PPP2R2D: variants seen among roughly 807,000 people sequenced by gnomAD.
The protein encoded by PPP2R2D is serine/threonine-protein phosphatase 2A 55 kDa regulatory subunit B delta isoform.
A neutral mutation model predicts 31.1 loss-of-function variants in PPP2R2D; 9 were observed. The ratio of observed to expected loss-of-function variants is 0.29; its 90% CI spans 0.17 to 0.51. The LOEUF (loss-of-function observed/expected upper bound fraction) is 0.51. Among genes scored for constraint, PPP2R2D ranks in the 20% least tolerant of loss-of-function variants. The pLI is 0.98. For missense variants in PPP2R2D, 391 were observed against 465.6 expected (o/e 0.84, Z 1.48); for synonymous variants, 179 against 172.6 (o/e 1.04, Z -0.29).
chr10:131,931,281 C>G (rs1038258952), intron 2 of PPP2R2D, among the ~76,000 whole-genome samples: 7 of 152,224 alleles, frequency 4.6e-5, no homozygotes, highest in Non-Finnish European at 1.5e-5. Context: ...TAGTAGTCAG[C>G]AGATCTCCAG....
chr10:131,918,526 G>C (rs1195754995), intron 2 of PPP2R2D, among the ~76,000 whole-genome samples: 1 of 148,972 alleles, frequency 6.7e-6, no homozygotes, highest in African/African-American at 2.5e-5. Flanking sequence ...ACCTCAGGCC[G>C]GTGGAATGAC....
chr10:131,926,869 G>C (rs7074604), intron 2 of PPP2R2D, among the ~76,000 whole-genome samples: 42,533 of 152,154 alleles, frequency 0.28, 6,064 homozygotes, highest in East Asian at 0.45. Context: ...GTGATTGGGT[G>C]GGTAATGGTA....
intron 2 of PPP2R2D, among the ~76,000 whole-genome samples, chr10:131,919,664 A>G (rs2035924949): frequency 7.9e-6 from 1 of 126,256 alleles, no homozygotes; most frequent in Non-Finnish European, 1.7e-5. Flanking sequence ...GACACAGTGT[A>G]GGGACCTCAC....
chr10:131,929,183 C>T (rs1554895338), intron 2 of PPP2R2D, among the ~76,000 whole-genome samples: 3 of 152,170 alleles, frequency 2.0e-5, no homozygotes, highest in East Asian at 1.9e-4. Flanking sequence ...CTGTGCTTCC[C>T]GCAGAGTGGC....
chr10:131,909,566 C>T (rs1259432807), intron 2 of PPP2R2D, among the ~76,000 whole-genome samples: 1 of 152,212 alleles, frequency 6.6e-6, no homozygotes, highest in Non-Finnish European at 1.5e-5. Context: ...AGCAGGAAGA[C>T]AGCCATAGAC....
chr10:131,951,181 G>A (rs1169881989), intron 8 of PPP2R2D, among the ~76,000 whole-genome samples: 1 of 152,350 alleles, frequency 6.6e-6, no homozygotes, highest in East Asian at 1.9e-4. Flanking sequence ...TGGTTTGGGG[G>A]AGAGGGTGGA....
At chr10:131,907,198 AT>A (rs1196943842) in intron 2 of PPP2R2D, among the ~76,000 whole-genome samples, 193 of 149,418 alleles carry the variant, frequency 1.3e-3, no homozygotes, top group Non-Finnish European at 1.6e-3. Flanking sequence ...ATTCATTTAT[AT>A]TTTTTTTTTG....
At chr10:131,912,216 T>A (rs2119745659) in intron 2 of PPP2R2D, 1 of 152,278 alleles carries the variant, frequency 6.6e-6, no homozygotes, top group East Asian at 1.9e-4. Context: ...GGAAATAGGG[T>A]CTTACTCCTC....
intron 8 of PPP2R2D, among the ~76,000 whole-genome samples, chr10:131,952,167 C>T (rs149962708): frequency 0.017 from 1,068 of 64,580 alleles, 65 homozygotes; most frequent in African/African-American, 0.068. Context: ...CAGTGACTTG[C>T]GGGTGTGCAG....
downstream of PPP2R2D, among the ~76,000 whole-genome samples, chr10:131,960,980 C>T (rs1017936830): frequency 3.9e-5 from 6 of 152,182 alleles, no homozygotes; most frequent in East Asian, 1.2e-3. Flanking sequence ...GCCGCATCTT[C>T]TGTGGCGAGC....
Position 131,955,969 on chromosome 10 carries a change from C to A in PPP2R2D, c.*6C>A. On this transcript the variant is annotated 3_prime_UTR_variant, in exon 9 of 9. Transcript: ENST00000455566. Reference sequence around the variant, plus strand: ...TCCAGGACAAAATCAACTAGAGACGCGAACGTGAGGACCAAGTCTTGTCTT... The same window carrying A: ...TCCAGGACAAAATCAACTAGAGACGAGAACGTGAGGACCAAGTCTTGTCTT... 1 of 1,488,360 alleles carries A rather than the reference C, an allele frequency of 6.7e-7. No individual in the cohort carries two copies. The highest frequency in any genetic ancestry group is 1.4e-5 in the South Asian group (1 of 69,548). The allele number at this position is 1,488,360 out of a possible 1,614,324, so 92.2% of individuals were successfully genotyped here.
At chr10:131,938,317 T>C (rs782701086) in intron 3 of PPP2R2D, among the ~76,000 whole-genome samples, 4 of 152,210 alleles carry the variant, frequency 2.6e-5, no homozygotes, top group East Asian at 1.9e-4. Flanking sequence ...ATATTAGATA[T>C]TGGTTATAGA....
the PPP2R2D span, chr10:131,967,488 A>G: frequency 1.3e-5 from 2 of 152,276 alleles, no homozygotes; most frequent in Non-Finnish European, 2.9e-5. Flanking sequence ...CCAAGGTAGC[A>G]TCAACAAAGA....
At chr10:131,911,810 G>C (rs2035688573) in intron 2 of PPP2R2D, 1 of 152,236 alleles carries the variant, frequency 6.6e-6, no homozygotes, top group African/African-American at 2.4e-5. Flanking sequence ...TTAGCAGTAG[G>C]AGTGTCAAGG....
At chr10:131,968,476 A>G in the PPP2R2D span, 2 of 1,486,372 alleles carry the variant, frequency 1.3e-6, no homozygotes, top group African/African-American at 2.8e-5. Context: ...CTATGTTGCA[A>G]GCTCAGAAGT....
In PPP2R2D at chr10:131,956,150, A is replaced by G; in HGVS notation, c.*187A>G. 3 of 1,244,558 alleles carry G rather than the reference A, an allele frequency of 2.4e-6. No individual in the cohort carries two copies. Among genetic ancestry groups the G allele is most frequent in the Non-Finnish European group, 3.0e-6 (3 of 995,836 alleles). The allele number at this position is 1,244,558 out of a possible 1,614,324, so 77.1% of individuals were successfully genotyped here. A position where few individuals can be genotyped will look rare whatever the true frequency, so the allele number is the denominator to read the frequency against. ...GTTCCGCCTCGGCGAGGCGCGAGAC[A>G]GGCGCTGCTGCTCACGTGGAGACGC... On this transcript the variant is annotated 3_prime_UTR_variant, in exon 9 of 9. Transcript: ENST00000455566.
At chr10:131,970,594 C>T in the PPP2R2D span, 2 of 1,602,594 alleles carry the variant, frequency 1.2e-6, no homozygotes, top group South Asian at 1.1e-5. The surrounding 1 kb of genome is among the most constrained non-coding windows in gnomAD (Gnocchi z 4.1). Flanking sequence ...CCAGAATCGC[C>T]CCACGACATG....
At chr10:131,928,468 G>A (rs563134757) in intron 2 of PPP2R2D, among the ~76,000 whole-genome samples, 5 of 152,358 alleles carry the variant, frequency 3.3e-5, no homozygotes, top group Admixed American at 2.6e-4. Flanking sequence ...TAGGTGATGC[G>A]TTTTAAGTAC....
intron 2 of PPP2R2D, among the ~76,000 whole-genome samples, chr10:131,932,974 A>C (rs4880334): frequency 0.92 from 139,629 of 152,238 alleles, 64,137 homozygotes; most frequent in East Asian, 1. Flanking sequence ...GCTAGAATAC[A>C]ATTAATTATG....
Sources: allele counts gnomAD v4.1 joint callset (sites outside exome capture counted in the v4.1 genomes callset), GRCh38; gene constraint gnomAD v4.1.1; non-coding constraint Gnocchi (gnomAD v3.1); transcripts MANE v1.5; gene names NCBI Gene and HGNC (gene_info 2026-07-23, HGNC 2026-07-21).